Variants in EDA observed in about 807,000 individuals in gnomAD.
EDA encodes ectodysplasin A.
EDA carries 2 observed loss-of-function variants against 23.6 expected under a neutral mutation model. The observed-to-expected ratio is 0.08, with a 90% confidence interval of 0.03 to 0.27. EDA has a LOEUF of 0.27. Ranked by LOEUF, EDA falls within the 10% of genes least tolerant of loss-of-function variation. The pLI, the probability that EDA is intolerant of heterozygous loss-of-function variation, is 1.00. For missense variants in EDA, 229 were observed against 324.2 expected (o/e 0.71, Z 2.26); for synonymous variants, 131 against 132.0 (o/e 0.99, Z 0.05).
In EDA at chrX:70,035,893, G is replaced by A. The variant is rs779657549; in HGVS notation, c.*284G>A. 5.0e-5 allele frequency: 19 copies of A among 382,506 alleles called. No individual in the cohort carries two copies. Among genetic ancestry groups the A allele is most frequent in the Admixed American group, 1.4e-4 (3 of 21,382 alleles). 31.5% of individuals were successfully genotyped at this position (382,506 alleles called of 1,213,427 possible). A position where few individuals can be genotyped will look rare whatever the true frequency, so the allele number is the denominator to read the frequency against. On this transcript the variant is annotated 3_prime_UTR_variant, in exon 8 of 8. Transcript: ENST00000374552. ...ACTTATGGCATGACTCTTCAACCCC[G>A]AGGTCCCTGTTGTCAGATCTATTGT...
chrX:69,998,590 G>T (rs1238126892), intron 2 of EDA, among the ~76,000 whole-genome samples: 1 of 111,899 alleles, frequency 8.9e-6, no homozygotes, highest in Non-Finnish European at 1.9e-5. Flanking sequence ...GAGGACATGT[G>T]ATATGGGAGG....
At chrX:69,644,332 A>G (rs1932878959) in intron 1 of EDA, among the ~76,000 whole-genome samples, 1 of 110,610 alleles carries the variant, frequency 9.0e-6, no homozygotes. Context: ...TTCCCTTGTT[A>G]GCTGTATTCC....
chrX:69,755,704 G>A (rs1458554510), intron 1 of EDA, among the ~76,000 whole-genome samples: 1 of 112,405 alleles, frequency 8.9e-6, no homozygotes, highest in East Asian at 2.8e-4. Context: ...AGCTTTGGTG[G>A]GCTCCACCCT....
At chrX:69,835,696 C>CTTCTGAA (rs2016754615) in intron 1 of EDA, among the ~76,000 whole-genome samples, 1 of 111,626 alleles carries the variant, frequency 9.0e-6, no homozygotes, top group East Asian at 2.8e-4. Flanking sequence ...TATTACCCAC[C>CTTCTGAA]TTCTGAAGCC....
chrX:69,693,548 C>T (rs914959720), intron 1 of EDA, among the ~76,000 whole-genome samples: 1 of 111,670 alleles, frequency 9.0e-6, no homozygotes, highest in Non-Finnish European at 1.9e-5. Context: ...TCTACCATAT[C>T]ACATCTTCTC....
At chrX:69,617,219 G>T (rs978533617) in intron 1 of EDA, 1 of 160,809 alleles carries the variant, frequency 6.2e-6, no homozygotes, top group Non-Finnish European at 1.3e-5. Context: ...TGACCAGAAC[G>T]TGGGCTTGTT....
intron 1 of EDA, among the ~76,000 whole-genome samples, chrX:69,878,543 T>C: frequency 8.9e-6 from 1 of 111,952 alleles, no homozygotes; most frequent in East Asian, 2.8e-4. Context: ...CCATGGAAGA[T>C]CAAACTAAGC....
intron 2 of EDA, among the ~76,000 whole-genome samples, chrX:70,016,727 T>C (rs765369548): frequency 2.7e-5 from 3 of 111,480 alleles, no homozygotes; most frequent in Non-Finnish European, 5.7e-5. Flanking sequence ...GCTAAAGCAG[T>C]GCTAAGTACT....
chrX:69,717,665 G>A lies in EDA; in HGVS notation c.396+100961G>A, dbSNP rs975728096. Among the ~76,000 whole-genome samples, 23 of 109,850 alleles carry A rather than the reference G, an allele frequency of 2.1e-4. 1 individual carries two copies. Among genetic ancestry groups the A allele is most frequent in the Non-Finnish European group, 1.1e-4 (6 of 52,646 alleles). ...CTCCCAAGTAGCTGGGACTACAGGT[G>A]CCCACCACCATGCCTGGCTAATTTT... On this transcript the variant is annotated intron_variant, in intron 1 of 7. Coordinates refer to ENST00000374552, the MANE Select transcript of EDA (RefSeq NM_001399.5).
intron 1 of EDA, among the ~76,000 whole-genome samples, chrX:69,916,042 T>C (rs1206803254): frequency 8.9e-6 from 1 of 111,984 alleles, no homozygotes; most frequent in Non-Finnish European, 1.9e-5. Flanking sequence ...TCAGTAGTGA[T>C]GCATGATACC....
chrX:69,990,448 AGACCAGT>A (rs2019571397), intron 2 of EDA, among the ~76,000 whole-genome samples: 1 of 111,150 alleles, frequency 9.0e-6, no homozygotes. Flanking sequence ...ACTGATAGCT[AGACCAGT>A]TCCAACTGCC....
At chrX:69,631,480 A>G (rs1932585695) in intron 1 of EDA, among the ~76,000 whole-genome samples, 1 of 109,015 alleles carries the variant, frequency 9.2e-6, no homozygotes. Flanking sequence ...AATATAGTCC[A>G]GATGCCAAAT....
chrX:69,975,950 A>G (rs1234914919), intron 2 of EDA, among the ~76,000 whole-genome samples: 2 of 112,244 alleles, frequency 1.8e-5, no homozygotes, highest in Non-Finnish European at 3.8e-5. Flanking sequence ...TATCAGACAT[A>G]GAAACGTGTC....
intron 1 of EDA, among the ~76,000 whole-genome samples, chrX:69,832,579 G>T (rs1188132323): frequency 8.9e-6 from 1 of 111,807 alleles, no homozygotes; most frequent in East Asian, 2.8e-4. Context: ...TGTGAAGAAA[G>T]TCATTGGTAG....
At chrX:69,633,736 A>G (rs1358745151) in intron 1 of EDA, among the ~76,000 whole-genome samples, 1 of 112,178 alleles carries the variant, frequency 8.9e-6, no homozygotes, top group African/African-American at 3.2e-5. Context: ...TGGATATACC[A>G]CCTTTTATTT....
Position 69,978,516 on chromosome X carries a change from A to AT in EDA, c.502+21384_502+21385insT, listed in dbSNP as rs1419914814. ...AGAATCTGTCTCAAAAAAAAAAAAA[A>AT]AAAAGAAAGAAAGAAAAAAAGCAGC... On this transcript the variant is annotated intron_variant, in intron 2 of 7. Coordinates refer to ENST00000374552, the MANE Select transcript of EDA (RefSeq NM_001399.5). Among the ~76,000 whole-genome samples, 67 of 103,539 alleles carry AT rather than the reference A, an allele frequency of 6.5e-4. 1 individual carries two copies. The highest frequency in any genetic ancestry group is 5.7e-3 in the East Asian group (16 of 2,798). The allele number at this position is 103,539 out of a possible 115,157, so 89.9% of individuals were successfully genotyped here. A position where few individuals can be genotyped will look rare whatever the true frequency, so the allele number is the denominator to read the frequency against.
At chrX:69,675,669 C>T (rs1934056550) in intron 1 of EDA, among the ~76,000 whole-genome samples, 1 of 110,298 alleles carries the variant, frequency 9.1e-6, no homozygotes, top group Non-Finnish European at 1.9e-5. Flanking sequence ...TTTATGGAAC[C>T]AAAGATATAG....
At chrX:69,826,177 T>G (rs1425878016) in intron 1 of EDA, among the ~76,000 whole-genome samples, 1 of 111,882 alleles carries the variant, frequency 8.9e-6, no homozygotes, top group Non-Finnish European at 1.9e-5. Flanking sequence ...TATATTCTGT[T>G]GATTTGGGGT....
At chrX:69,824,239 T>G (rs1398025020) in intron 1 of EDA, among the ~76,000 whole-genome samples, 7 of 110,891 alleles carry the variant, frequency 6.3e-5, no homozygotes, top group Admixed American at 3.8e-4. Context: ...GTGAAGAAAG[T>G]CATTGGTAGC....
Sources: allele counts gnomAD v4.1 joint callset (sites outside exome capture counted in the v4.1 genomes callset), GRCh38; gene constraint gnomAD v4.1.1; transcripts MANE v1.5; gene names NCBI Gene and HGNC (gene_info 2026-07-23, HGNC 2026-07-21).